WIF1: variants seen among roughly 807,000 people sequenced by gnomAD.
WIF1 encodes Wnt inhibitory factor 1.
A neutral mutation model predicts 53.5 loss-of-function variants in WIF1; 35 were observed. The ratio of observed to expected loss-of-function variants is 0.65; its 90% CI spans 0.50 to 0.87. The LOEUF (loss-of-function observed/expected upper bound fraction) is 0.87, where lower values mean the gene tolerates loss of function less well. Ranked by LOEUF, WIF1 falls within the 40% of genes least tolerant of loss-of-function variation. The pLI, the probability that WIF1 is intolerant of heterozygous loss-of-function variation, is 0.00. For missense variants in WIF1, 467 were observed against 476.8 expected (o/e 0.98, Z 0.19); for synonymous variants, 171 against 170.4 (o/e 1.00, Z -0.03).
At chr12:65,094,852 T>G (rs1020225823) in intron 2 of WIF1, among the ~76,000 whole-genome samples, 2 of 152,034 alleles carry the variant, frequency 1.3e-5, no homozygotes, top group Non-Finnish European at 2.9e-5. Flanking sequence ...TTAGTGAGTT[T>G]TGTTACCTGT....
intron 2 of WIF1, among the ~76,000 whole-genome samples, chr12:65,118,730 G>C (rs898528331): frequency 3.3e-5 from 5 of 152,198 alleles, no homozygotes; most frequent in African/African-American, 2.4e-5. Context: ...GTACTCACCA[G>C]TATGCCAATA....
At position 65,079,045 on chromosome 12, in the gene WIF1, G is replaced by T. The variant is rs566917707; in HGVS notation, c.289-1191C>A. 8.6e-5 allele frequency among the ~76,000 whole-genome samples: 13 copies of T among 151,324 alleles called. No individual in the cohort carries two copies. In the South Asian group the frequency reaches 2.7e-3, roughly 32 times the overall value. ...CTGGGCATGGTCGTGGGTGCTTGTA[G>T]TCCCAGCTACTTGGGAGGCTGAGGC... On this transcript the variant is annotated intron_variant, in intron 2 of 9. Transcript: ENST00000286574.
At chr12:65,054,930 G>T (rs1448090741) in intron 9 of WIF1, among the ~76,000 whole-genome samples, 188 bp downstream of exon 9, 1 of 152,216 alleles carries the variant, frequency 6.6e-6, no homozygotes, top group Non-Finnish European at 1.5e-5. Flanking sequence ...AGGTGGAGAA[G>T]TATGGGGGAG....
intron 2 of WIF1, among the ~76,000 whole-genome samples, chr12:65,079,844 C>T (rs982786399): frequency 6.6e-6 from 1 of 152,060 alleles, no homozygotes; most frequent in Non-Finnish European, 1.5e-5. Flanking sequence ...TTCAGTTCCA[C>T]ACCCAGAACT....
At chr12:65,114,191 A>G (rs1256576024) in intron 2 of WIF1, among the ~76,000 whole-genome samples, 1 of 148,904 alleles carries the variant, frequency 6.7e-6, no homozygotes, top group Non-Finnish European at 1.5e-5. Flanking sequence ...TTTTTGGTTT[A>G]CGTCAAGGGG....
At chr12:65,063,703 T>C (rs1315105022) in intron 6 of WIF1, among the ~76,000 whole-genome samples, 1 of 151,708 alleles carries the variant, frequency 6.6e-6, no homozygotes, top group African/African-American at 2.4e-5. Context: ...AAACTCTTTT[T>C]TTTTTTTTTT....
At chr12:65,105,603 G>A (rs1001237690) in intron 2 of WIF1, among the ~76,000 whole-genome samples, 10 of 152,108 alleles carry the variant, frequency 6.6e-5, no homozygotes, top group African/African-American at 2.4e-4. Context: ...AGGATTTTGT[G>A]GGGGCTTGGA....
intron 6 of WIF1, among the ~76,000 whole-genome samples, chr12:65,063,794 A>G (rs6581602): frequency 0.97 from 147,721 of 151,606 alleles, 72,012 homozygotes; most frequent in East Asian, 1. Flanking sequence ...GCTCACTGCA[A>G]CCTTAAATCC....
chr12:65,053,739 T>C (rs1882479277), intron 9 of WIF1, among the ~76,000 whole-genome samples: 1 of 152,118 alleles, frequency 6.6e-6, no homozygotes, highest in Non-Finnish European at 1.5e-5. Flanking sequence ...GATGTATAAC[T>C]ACATATACAC....
Position 65,077,731 on chromosome 12 carries a change from G to C in WIF1, c.397+15C>G. 1 of 1,587,756 alleles carries C rather than the reference G, an allele frequency of 6.3e-7. No individual in the cohort carries two copies. Among genetic ancestry groups the C allele is most frequent in the Non-Finnish European group, 8.6e-7 (1 of 1,157,450 alleles). On this transcript the variant is annotated intron_variant, in intron 3 of 9. Coordinates refer to ENST00000286574, the MANE Select transcript of WIF1 (RefSeq NM_007191.5). ...ATTTTAAGTGTAAACCTTTCTTCAG[G>C]CAAAGACCACCCACCTGATGCCTTG...
intron 2 of WIF1, among the ~76,000 whole-genome samples, chr12:65,088,842 A>G (rs1883081340): frequency 6.6e-6 from 1 of 152,040 alleles, no homozygotes; most frequent in Non-Finnish European, 1.5e-5. Context: ...TAGAGAATGC[A>G]TAGCTTCGAT....
At chr12:65,111,220 T>G (rs896252154) in intron 2 of WIF1, among the ~76,000 whole-genome samples, 1 of 152,202 alleles carries the variant, frequency 6.6e-6, no homozygotes, top group African/African-American at 2.4e-5. Context: ...TGATCTCCTC[T>G]CAATCCCAGA....
chr12:65,119,365 G>A (rs997039511), intron 2 of WIF1, among the ~76,000 whole-genome samples: 11 of 152,024 alleles, frequency 7.2e-5, no homozygotes, highest in African/African-American at 1.9e-4. Flanking sequence ...AGTGTTGAAG[G>A]TTCTAGATTT....
intron 8 of WIF1, among the ~76,000 whole-genome samples, chr12:65,055,720 G>C (rs910174737): frequency 2.6e-5 from 4 of 152,284 alleles, no homozygotes; most frequent in Admixed American, 2.6e-4. Context: ...GGTTTCAATG[G>C]GCCTAGATCG....
At chr12:65,102,416 T>G (rs1483947943) in intron 2 of WIF1, among the ~76,000 whole-genome samples, 1 of 151,974 alleles carries the variant, frequency 6.6e-6, no homozygotes, top group African/African-American at 2.4e-5. Flanking sequence ...CAAGCAGGAG[T>G]TCTCTCTCCC....
At chr12:65,119,825 A>G (rs1883573558) in intron 2 of WIF1, among the ~76,000 whole-genome samples, 1 of 152,240 alleles carries the variant, frequency 6.6e-6, no homozygotes, top group Admixed American at 6.5e-5. Context: ...CTTCATAAAA[A>G]ATAGATTCCA....
chr12:65,117,544 G>A (rs964934185), intron 2 of WIF1, among the ~76,000 whole-genome samples: 33 of 152,258 alleles, frequency 2.2e-4, no homozygotes, highest in African/African-American at 6.3e-4. Flanking sequence ...TGGACCGGGC[G>A]GTGGAGGAAT....
chr12:65,103,015 T>C (rs901420359), intron 2 of WIF1, among the ~76,000 whole-genome samples: 4 of 152,236 alleles, frequency 2.6e-5, no homozygotes, highest in Admixed American at 2.6e-4. Flanking sequence ...GGAAATCCAC[T>C]TATATTTTCC....
intron 2 of WIF1, among the ~76,000 whole-genome samples, chr12:65,104,730 CTCT>C (rs551007807): frequency 1.3e-5 from 2 of 152,182 alleles, no homozygotes; most frequent in African/African-American, 4.8e-5. Context: ...ACCCCACCAC[CTCT>C]TCTTCTTGTT....
Sources: gnomAD v4.1 joint callset for allele counts (sites outside exome capture counted in the v4.1 genomes callset) on GRCh38, gnomAD v4.1.1 for gene constraint, MANE v1.5 for transcripts, NCBI Gene and HGNC (gene_info 2026-07-23, HGNC 2026-07-21) for gene names.